The following SNRNP27 variants were observed in gnomAD, a reference collection of about 807,000 sequenced individuals.
SNRNP27 encodes the protein U4/U6.U5 small nuclear ribonucleoprotein 27 kDa protein.
In SNRNP27, 22 loss-of-function variants were observed where a neutral mutation model predicts 25.1. The observed-to-expected ratio is 0.88, with a 90% CI of 0.63 to 1.25. The LOEUF (loss-of-function observed/expected upper bound fraction) is 1.25, where lower values mean the gene tolerates loss of function less well. Among genes scored for constraint, SNRNP27 ranks in the 50% most tolerant of loss-of-function variants. SNRNP27 has a pLI of 0.00. For synonymous variants in SNRNP27, 66 were observed against 64.9 expected (o/e 1.02, Z -0.08); for missense variants, 150 against 202.3 (o/e 0.74, Z 1.57).
chr2:69,898,915 A>T (rs1676647161), intron 4 of SNRNP27, among the ~76,000 whole-genome samples: 1 of 152,302 alleles, frequency 6.6e-6, no homozygotes, highest in Middle Eastern at 3.4e-3. Context: ...GTTTATTAAG[A>T]TATATGTTGG....
intron 4 of SNRNP27, among the ~76,000 whole-genome samples, chr2:69,899,725 C>T (rs1353453750): frequency 2.6e-5 from 4 of 152,096 alleles, no homozygotes; most frequent in Admixed American, 2.0e-4. Flanking sequence ...ACATTGCGCC[C>T]GGCCTCATTT....
rs1310686120 is a variant in SNRNP27 at position 69,895,233 on chromosome 2, C to G, written c.155+19C>G. ...GCTCCCGGTAAGGGCAGAAAATAAG[C>G]CAAGAGTTTTATTTACCGAAAGTCC... is the stretch of plus-strand genomic sequence containing the variant. On this transcript the variant is annotated intron_variant, in intron 2 of 5. Coordinates refer to ENST00000244227, the MANE Select transcript of SNRNP27 (RefSeq NM_006857.3). 6.2e-7 allele frequency: 1 copy of G among 1,609,118 alleles called. No individual in the cohort carries two copies. Among genetic ancestry groups the G allele is most frequent in the Non-Finnish European group, 8.5e-7 (1 of 1,178,490 alleles).
In SNRNP27 at chr2:69,897,458, TA is replaced by T; in HGVS notation, c.348+4del. 1 of 1,602,812 alleles carries T rather than the reference TA, an allele frequency of 6.2e-7. No individual in the cohort carries two copies. Among genetic ancestry groups the T allele is most frequent in the Non-Finnish European group, 8.5e-7 (1 of 1,170,194 alleles). ...TTTGCCTCCTTTGACTCCACAAAAGTAAGTAAAACGTGCAACATTCTCATTT... is the reference window on the plus strand; with the variant it reads ...TTTGCCTCCTTTGACTCCACAAAAGTAGTAAAACGTGCAACATTCTCATTT... On this transcript the variant is annotated splice_donor_region_variant and intron_variant, in intron 4 of 5. Coordinates refer to ENST00000244227, the MANE Select transcript of SNRNP27 (RefSeq NM_006857.3).
At chr2:69,901,714 G>A (rs1033807779) in intron 4 of SNRNP27, among the ~76,000 whole-genome samples, 6 of 152,132 alleles carry the variant, frequency 3.9e-5, no homozygotes, top group African/African-American at 7.2e-5. Flanking sequence ...CCAGCTACTC[G>A]GGAGGCTGAG....
At chr2:69,897,806 T>A (rs1199013862) in intron 4 of SNRNP27, 1 of 181,812 alleles carries the variant, frequency 5.5e-6, no homozygotes, top group Non-Finnish European at 1.2e-5. Flanking sequence ...AAAGGGGTGC[T>A]GATGGGCTAG....
At chr2:69,898,883 A>T (rs1676646345) in intron 4 of SNRNP27, among the ~76,000 whole-genome samples, 1 of 152,188 alleles carries the variant, frequency 6.6e-6, no homozygotes, top group Non-Finnish European at 1.5e-5. Flanking sequence ...GTTTATTAAG[A>T]TATATGTTGG....
chr2:69,898,154 C>T (rs1676634917), intron 4 of SNRNP27, among the ~76,000 whole-genome samples: 1 of 98,454 alleles, frequency 1.0e-5, no homozygotes, highest in Admixed American at 8.7e-5. Flanking sequence ...AGGCTGGGAC[C>T]CTGAGTGATA....
intron 2 of SNRNP27, 30 bp from the exon 3 acceptor site, chr2:69,896,406 G>A: frequency 6.2e-7 from 1 of 1,604,190 alleles, no homozygotes. Context: ...ATGTCTGTCT[G>A]TTTCTAACAT....
Position 69,893,982 on chromosome 2 carries a change from C to G in SNRNP27, c.-3C>G. ...CAGTTGTTTCCGGGAAGCGGGACTC[C>G]AAATGGGTCGCAGTCGCAGCCGCTC... is the stretch of plus-strand genomic sequence containing the variant. On this transcript the variant is annotated 5_prime_UTR_variant, in exon 1 of 6. Transcript: ENST00000244227. 1 of 1,614,064 alleles carries G rather than the reference C, an allele frequency of 6.2e-7. No individual in the cohort carries two copies. The highest frequency in any genetic ancestry group is 8.5e-7 in the Non-Finnish European group (1 of 1,179,966).
rs1309374846 is a variant in SNRNP27, at chr2:69,904,886, A to G, written c.*578A>G. The G allele has an allele frequency of 6.6e-6, 1 of 151,806 alleles. No homozygotes were observed. The highest frequency in any genetic ancestry group is 2.4e-5 in the African/African-American group (1 of 41,288). The allele number at this position is 151,806 out of a possible 1,614,324, so 9.4% of individuals were successfully genotyped here. ...AAGTATAAAAGCATTACATGCAAAA[A>G]AAAGATCTCAGAGAAAACAAAAGTA... On this transcript the variant is annotated 3_prime_UTR_variant, in exon 6 of 6. Transcript: ENST00000244227.
intron 4 of SNRNP27, among the ~76,000 whole-genome samples, chr2:69,898,446 T>G (rs1558561478): frequency 6.6e-6 from 1 of 150,958 alleles, no homozygotes. Context: ...GGAGAGGGGA[T>G]GGAGAGAGGG....
chr2:69,900,218 C>G (rs369858456), intron 4 of SNRNP27, among the ~76,000 whole-genome samples: 1 of 152,052 alleles, frequency 6.6e-6, no homozygotes, highest in South Asian at 2.1e-4. Flanking sequence ...TAACATTTTT[C>G]TAGATGGTTT....
chr2:69,898,273 G>T (rs1198487398), intron 4 of SNRNP27, among the ~76,000 whole-genome samples: 1 of 97,254 alleles, frequency 1.0e-5, no homozygotes, highest in Non-Finnish European at 1.9e-5. Flanking sequence ...TTGTCTCATA[G>T]CTTAGAAGTG....
chr2:69,900,147 G>C (rs1676670862), intron 4 of SNRNP27, among the ~76,000 whole-genome samples: 2 of 152,068 alleles, frequency 1.3e-5, no homozygotes, highest in Non-Finnish European at 2.9e-5. Flanking sequence ...TATTAGATTG[G>C]TGGAAAAGTA....
chr2:69,899,446 T>G (rs537088292), intron 4 of SNRNP27, among the ~76,000 whole-genome samples: 87 of 152,318 alleles, frequency 5.7e-4, no homozygotes, highest in Non-Finnish European at 1.1e-3. Context: ...TTTTATTTTT[T>G]CGAGACAGAG....
At chr2:69,903,539 G>C in intron 5 of SNRNP27, 1 of 310,828 alleles carries the variant, frequency 3.2e-6, no homozygotes, top group East Asian at 6.9e-5. Context: ...TTATAATTTA[G>C]GTATAAGATA....
chr2:69,903,148 T>G, intron 4 of SNRNP27, 33 bp from the exon 5 acceptor site: 1 of 1,556,760 alleles, frequency 6.4e-7, no homozygotes, highest in Non-Finnish European at 8.9e-7. Flanking sequence ...ATCCTTCCTG[T>G]TTTTTGTCTG....
chr2:69,896,427 A>G lies in SNRNP27; in HGVS notation c.156-9A>G, dbSNP rs774255317. The G allele has an allele frequency of 1.2e-6, 2 of 1,610,428 alleles. No homozygotes were observed. The highest frequency in any genetic ancestry group is 1.7e-5 in the Admixed American group (1 of 59,868). On this transcript the variant is annotated splice_polypyrimidine_tract_variant and intron_variant, in intron 2 of 5. Transcript: ENST00000244227. ...GTCTGTTTCTAACATCTTTGCTTAT[A>G]AATATTAGATCTCCAAGACGACATA...
Position 69,897,401 on chromosome 2 carries a change from AG to A in SNRNP27, c.295del (p.Glu99LysfsTer3). 1 of 1,613,386 alleles carries A rather than the reference AG, an allele frequency of 6.2e-7. No individual in the cohort carries two copies. Among genetic ancestry groups the A allele is most frequent in the Non-Finnish European group, 8.5e-7 (1 of 1,179,738 alleles). ...ITEEDLEGKT[E>X]EEIEMMKLMG... ...GAGGAAGACTTAGAGGGCAAAACAG[AG>A]GAAGAAATAGAAATGATGAAGTTAA... On this transcript the variant is annotated frameshift_variant, in exon 4 of 6. Coordinates refer to ENST00000244227, the MANE Select transcript of SNRNP27 (RefSeq NM_006857.3). LOFTEE classifies it high-confidence loss of function.
Sources: allele counts gnomAD v4.1 joint callset (sites outside exome capture counted in the v4.1 genomes callset), GRCh38; gene constraint gnomAD v4.1.1; transcripts MANE v1.5; gene names NCBI Gene and HGNC (gene_info 2026-07-23, HGNC 2026-07-21).